FNIP1: variants seen among roughly 807,000 people sequenced by gnomAD.
The protein encoded by FNIP1 is folliculin interacting protein 1.
Under a neutral mutation model 124.5 loss-of-function variants are expected in FNIP1, and 40 were observed. That is an observed-to-expected ratio of 0.32 (90% CI 0.25 to 0.42). The LOEUF (loss-of-function observed/expected upper bound fraction) is 0.42. FNIP1 is among the 10% of genes least tolerant of loss of function. The pLI is 1.00. For synonymous variants in FNIP1, 472 were observed against 470.6 expected (o/e 1.00, Z -0.04); for missense variants, 1,176 against 1,403.7 (o/e 0.84, Z 2.59).
chr5:131,694,405 C>T (rs1768618891), intron 11 of FNIP1, among the ~76,000 whole-genome samples: 1 of 152,136 alleles, frequency 6.6e-6, no homozygotes, highest in East Asian at 1.9e-4. Context: ...AAGAAATGAG[C>T]TATTAGGTAA....
chr5:131,763,426 A>G (rs909357328), intron 1 of FNIP1, among the ~76,000 whole-genome samples: 2 of 152,206 alleles, frequency 1.3e-5, no homozygotes, highest in Admixed American at 6.5e-5. Flanking sequence ...AATTAAAGAA[A>G]AGAGTTTTAA....
chr5:131,747,534 A>T (rs1770722307), intron 1 of FNIP1, among the ~76,000 whole-genome samples: 1 of 152,212 alleles, frequency 6.6e-6, no homozygotes, highest in Non-Finnish European at 1.5e-5. Flanking sequence ...GAACAGACCG[A>T]CAAAGGATGA....
At chr5:131,784,985 TC>T (rs1561707278) in intron 1 of FNIP1, among the ~76,000 whole-genome samples, 7 of 141,550 alleles carry the variant, frequency 4.9e-5, no homozygotes, top group East Asian at 4.0e-4. Context: ...TATATATATA[TC>T]ATATATATAT....
At chr5:131,774,547 C>G (rs1032466074) in intron 1 of FNIP1, among the ~76,000 whole-genome samples, 1 of 152,136 alleles carries the variant, frequency 6.6e-6, no homozygotes, top group African/African-American at 2.4e-5. Flanking sequence ...AATTCATTCA[C>G]AAAGGTTCTC....
chr5:131,693,151 C>T (rs1424570861), intron 11 of FNIP1, among the ~76,000 whole-genome samples: 2 of 147,694 alleles, frequency 1.4e-5, no homozygotes, highest in Admixed American at 6.8e-5. Context: ...ATGATAATTA[C>T]GTGAGGTAAT....
chr5:131,672,744 G>C lies in FNIP1; in HGVS notation c.1700C>G (p.Thr567Arg). The change falls in exon 14 of 18, where the codon ACA becomes AGA. Residue 567 changes from threonine to arginine, a missense_variant. Coordinates refer to ENST00000510461, the MANE Select transcript of FNIP1 (RefSeq NM_133372.3). Reference protein sequence around the residue: ...GEDEAIVMPGTVITTTLEKGE... With the variant: ...GEDEAIVMPGRVITTTLEKGE... ...TTTCTCTAAAGTGGTAGTAATTACT[G>C]TGCCTGGCATAACGATGGCTTCATC... 6.2e-7 allele frequency: 1 copy of C among 1,613,636 alleles called. No individual in the cohort carries two copies. Among genetic ancestry groups the C allele is most frequent in the Non-Finnish European group, 8.5e-7 (1 of 1,179,804 alleles).
In FNIP1 at chr5:131,694,200, T is replaced by C. The variant is rs1768611954; in HGVS notation, c.1202+4717A>G. 3.3e-5 allele frequency among the ~76,000 whole-genome samples: 5 copies of C among 152,162 alleles called. No homozygotes were observed. In the South Asian group the frequency reaches 1.0e-3, roughly 31 times the overall value. ...AGCTAAACATAGTTTTTCCATAATA[T>C]CCAGCAATCATGCTCCTATGTATTT... On this transcript the variant is annotated intron_variant, in intron 11 of 17. Coordinates refer to ENST00000510461, the MANE Select transcript of FNIP1 (RefSeq NM_133372.3).
chr5:131,706,405 ACT>A lies in FNIP1; in HGVS notation c.914+4_914+5del. Reference sequence around the variant, plus strand: ...ATCTTGTTCTGTGTTTAAAGTTCCAACTTACCATCTAGGAAATACCCCATTTT... The same window carrying A: ...ATCTTGTTCTGTGTTTAAAGTTCCAATACCATCTAGGAAATACCCCATTTT... On this transcript the variant is annotated splice_donor_5th_base_variant and intron_variant, in intron 9 of 17. Transcript: ENST00000510461. The A allele has an allele frequency of 6.2e-7, 1 of 1,606,348 alleles. No individual in the cohort carries two copies. Among genetic ancestry groups the A allele is most frequent in the Non-Finnish European group, 8.5e-7 (1 of 1,176,420 alleles).
chr5:131,794,050 C>A (rs1472602867), intron 1 of FNIP1, among the ~76,000 whole-genome samples: 3 of 151,322 alleles, frequency 2.0e-5, no homozygotes, highest in African/African-American at 7.3e-5. Flanking sequence ...TAAATTTTGG[C>A]CAGGCATGGT....
intron 14 of FNIP1, 128 bp downstream of exon 14, chr5:131,671,377 G>C (rs186978702): frequency 5.0e-5 from 40 of 805,520 alleles, no homozygotes; most frequent in Admixed American, 3.7e-4. Context: ...TATGAGTTAA[G>C]AGAATATGAA....
At chr5:131,654,386 T>C (rs775937803) in intron 15 of FNIP1, among the ~76,000 whole-genome samples, 2 of 152,218 alleles carry the variant, frequency 1.3e-5, no homozygotes, top group African/African-American at 2.4e-5. Flanking sequence ...TAACTTTTAA[T>C]GTTACTACAA....
At chr5:131,685,559 C>T (rs1463914600) in intron 11 of FNIP1, among the ~76,000 whole-genome samples, 2 of 150,562 alleles carry the variant, frequency 1.3e-5, no homozygotes, top group African/African-American at 4.9e-5. Flanking sequence ...CTGGTTCAAG[C>T]AATTCTCCTG....
intron 11 of FNIP1, among the ~76,000 whole-genome samples, chr5:131,692,720 A>G (rs1228836429): frequency 6.6e-6 from 1 of 152,140 alleles, no homozygotes; most frequent in Non-Finnish European, 1.5e-5. Context: ...TGGTCAAAGG[A>G]CACAAAATTT....
chr5:131,753,888 A>G (rs1311709339), intron 1 of FNIP1, among the ~76,000 whole-genome samples: 1 of 151,568 alleles, frequency 6.6e-6, no homozygotes, highest in African/African-American at 2.4e-5. Flanking sequence ...ATCTCAGCTC[A>G]CTGAAACCTC....
intron 3 of FNIP1, among the ~76,000 whole-genome samples, chr5:131,722,588 T>G (rs950891812): frequency 6.6e-6 from 1 of 152,236 alleles, no homozygotes; most frequent in Non-Finnish European, 1.5e-5. Context: ...TGTCCTATTA[T>G]TAGGGTTAAG....
chr5:131,642,567 TAA>T lies in FNIP1; in HGVS notation c.*2116_*2117del, dbSNP rs879195581. ...ATCCAAGTGCTATACAGAGCTACAA[TAA>T]AAAAAAAAAAAAGTACAAGGCTGGG... On this transcript the variant is annotated 3_prime_UTR_variant, in exon 18 of 18. Coordinates refer to ENST00000510461, the MANE Select transcript of FNIP1 (RefSeq NM_133372.3). 56 of 126,022 alleles carry T rather than the reference TAA, an allele frequency of 4.4e-4. No individual in the cohort carries two copies. The highest frequency in any genetic ancestry group is 4.0e-4 in the Admixed American group (5 of 12,618). The allele number at this position is 126,022 out of a possible 1,614,324, so 7.8% of individuals were successfully genotyped here.
chr5:131,783,875 T>C (rs1772076906), intron 1 of FNIP1, among the ~76,000 whole-genome samples: 1 of 152,060 alleles, frequency 6.6e-6, no homozygotes, highest in African/African-American at 2.4e-5. Flanking sequence ...TTTTCAGACT[T>C]GCAGTCTCAA....
intron 2 of FNIP1, among the ~76,000 whole-genome samples, chr5:131,743,712 G>C (rs144640250): frequency 6.6e-6 from 1 of 152,272 alleles, no homozygotes; most frequent in Non-Finnish European, 1.5e-5. Flanking sequence ...AGGACTTGAA[G>C]AGTTCTCTTG....
chr5:131,770,298 C>T (rs1305761959), intron 1 of FNIP1, among the ~76,000 whole-genome samples: 1 of 152,104 alleles, frequency 6.6e-6, no homozygotes, highest in Non-Finnish European at 1.5e-5. Context: ...GAAAATACTG[C>T]CTTTTAATTT....
Sources: gnomAD v4.1 joint callset for allele counts (sites outside exome capture counted in the v4.1 genomes callset) on GRCh38, gnomAD v4.1.1 for gene constraint, MANE v1.5 for transcripts, NCBI Gene and HGNC (gene_info 2026-07-23, HGNC 2026-07-21) for gene names.